The following ZSWIM6 variants were observed in gnomAD, a reference collection of about 807,000 sequenced individuals.
The protein encoded by ZSWIM6 is zinc finger SWIM-type containing 6.
A neutral mutation model predicts 113.2 loss-of-function variants in ZSWIM6; 9 were observed. The observed-to-expected ratio is 0.08, with a 90% CI of 0.05 to 0.14. ZSWIM6 has a LOEUF of 0.14. Ranked by LOEUF, ZSWIM6 falls within the 10% of genes least tolerant of loss-of-function variation. The pLI is 1.00. For missense variants in ZSWIM6, 1,162 were observed against 1,552.2 expected, an observed-to-expected ratio of 0.75 and a Z score of 4.22; for synonymous variants, 611 against 606.5, an observed-to-expected ratio of 1.01 and a Z score of -0.11.
At chr5:61,431,137 C>T (rs1342670859) in intron 1 of ZSWIM6, among the ~76,000 whole-genome samples, 9 of 151,724 alleles carry the variant, frequency 5.9e-5, no homozygotes. Flanking sequence ...TTTGGGAGGC[C>T]GAGGTGGGTG....
In ZSWIM6 at chr5:61,350,511, A is replaced by G. The variant is rs146064793; in HGVS notation, c.676+17563A>G. ...CTATTCAGACGAAAAGGAAGCAGTT[A>G]AGAGATTCTCAGTCTCCATGGGTTT... On this transcript the variant is annotated intron_variant, in intron 1 of 13. Transcript: ENST00000252744. Among the ~76,000 whole-genome samples, 557 of 152,266 alleles carry G rather than the reference A, an allele frequency of 3.7e-3. 8 individuals carry two copies. Among genetic ancestry groups the G allele is most frequent in the East Asian group, 0.019 (100 of 5,172 alleles).
intron 1 of ZSWIM6, among the ~76,000 whole-genome samples, chr5:61,436,521 C>T (rs1352733074): frequency 6.6e-6 from 1 of 152,152 alleles, no homozygotes; most frequent in Non-Finnish European, 1.5e-5. Context: ...CTATTCACTA[C>T]CAGCTTTTCT....
chr5:61,355,894 A>G (rs967938755), intron 1 of ZSWIM6, among the ~76,000 whole-genome samples: 4 of 152,368 alleles, frequency 2.6e-5, no homozygotes, highest in Admixed American at 6.5e-5. Context: ...TGTGACTACT[A>G]GGAAATTTAA....
rs1579934182 is a variant in ZSWIM6, at chr5:61,332,819, G to C, written c.547G>C (p.Ala183Pro). The C allele has an allele frequency of 2.1e-6, 2 of 957,966 alleles. No homozygotes were observed. Among genetic ancestry groups the C allele is most frequent in the Admixed American group, 6.4e-5 (1 of 15,532 alleles). The allele number at this position is 957,966 out of a possible 1,614,324, so 59.3% of individuals were successfully genotyped here. ...AAAAAAAAAA[A>P]AGAGAPSVGA... is the part of the protein sequence containing the mutation. ...CGCCGCCGCCGCCGCCGCCGCCGCC[G>C]CCGCGGGGGCCGGGGCCCCGTCGGT... Residue 183 changes from alanine (A) to proline (P), a missense_variant, in exon 1 of 14, where the codon GCC (alanine) becomes CCC (proline). Physicochemically the swap from Ala to Pro is conservative, Grantham distance 27 (BLOSUM62 -1). Coordinates refer to ENST00000252744, the MANE Select transcript of ZSWIM6 (RefSeq NM_020928.2).
chr5:61,450,635 C>T (rs1436036510), intron 1 of ZSWIM6, among the ~76,000 whole-genome samples: 1 of 151,986 alleles, frequency 6.6e-6, no homozygotes, highest in East Asian at 1.9e-4. Context: ...GATTATACTT[C>T]ACTGTACTAT....
In ZSWIM6 at chr5:61,332,618, C is replaced by T; in HGVS notation, c.346C>T (p.Arg116Cys). The T allele has an allele frequency of 1.6e-6, 2 of 1,262,524 alleles. No homozygotes were observed. Among genetic ancestry groups the T allele is most frequent in the South Asian group, 1.4e-5 (1 of 69,854 alleles). 78.2% of individuals were successfully genotyped at this position (1,262,524 alleles called of 1,614,324 possible). A position where few individuals can be genotyped will look rare whatever the true frequency, so the allele number is the denominator to read the frequency against. The part of the protein sequence containing the change: ...QRRIVYWSFP[R>C]SEREICMYSS... The stretch of plus-strand genomic sequence containing the variant: ...CCGCATAGTCTATTGGTCCTTCCCC[C>T]GCAGCGAGCGGGAGATCTGCATGTA... Residue 116 changes from arginine to cysteine, a missense_variant, in exon 1 of 14, where the codon CGC (arginine) becomes TGC (cysteine). Arg to Cys is a radical substitution (Grantham distance 180). Coordinates refer to ENST00000252744, the MANE Select transcript of ZSWIM6 (RefSeq NM_020928.2).
chr5:61,430,955 T>A (rs1746568438), intron 1 of ZSWIM6, among the ~76,000 whole-genome samples: 1 of 152,224 alleles, frequency 6.6e-6, no homozygotes, highest in Admixed American at 6.5e-5. Context: ...AAAACTGTTG[T>A]ATTTGAATCC....
intron 1 of ZSWIM6, chr5:61,391,984 A>G (rs1157586836): frequency 1.4e-5 from 6 of 426,044 alleles, no homozygotes; most frequent in South Asian, 1.4e-4. Context: ...CATTTTGTGT[A>G]TATTTTCCTT....
At chr5:61,333,792 G>A (rs1313131096) in intron 1 of ZSWIM6, among the ~76,000 whole-genome samples, 1 of 152,106 alleles carries the variant, frequency 6.6e-6, no homozygotes, top group Admixed American at 6.5e-5. Flanking sequence ...TGCGGGCCGC[G>A]GCGCAGCCCT....
At chr5:61,357,920 C>A (rs1018565087) in intron 1 of ZSWIM6, among the ~76,000 whole-genome samples, 2 of 152,078 alleles carry the variant, frequency 1.3e-5, no homozygotes, top group Non-Finnish European at 2.9e-5. Flanking sequence ...CCTACTCTTC[C>A]TAGTTGATGA....
intron 9 of ZSWIM6, 51 bp from the exon 10 acceptor site, chr5:61,535,433 G>A: frequency 6.5e-7 from 1 of 1,542,196 alleles, no homozygotes; most frequent in Non-Finnish European, 8.8e-7. Context: ...TTTACAAGAA[G>A]TGTTAGTTCA....
At chr5:61,375,093 G>T in intron 1 of ZSWIM6, 4 of 1,603,832 alleles carry the variant, frequency 2.5e-6, no homozygotes, top group South Asian at 1.1e-5. Flanking sequence ...GTGTGCTACT[G>T]TGCGCGCGAT....
intron 1 of ZSWIM6, among the ~76,000 whole-genome samples, chr5:61,403,551 A>T (rs1579978179): frequency 6.6e-6 from 1 of 152,218 alleles, no homozygotes; most frequent in Non-Finnish European, 1.5e-5. Context: ...TATTTCTCGC[A>T]TGGGTGCCTC....
intron 4 of ZSWIM6, among the ~76,000 whole-genome samples, chr5:61,513,531 A>G (rs766362306): frequency 2.0e-5 from 3 of 152,054 alleles, no homozygotes; most frequent in Non-Finnish European, 4.4e-5. Context: ...TTGATTTTGT[A>G]TGTAACATTA....
At chr5:61,431,857 A>G (rs1746590692) in intron 1 of ZSWIM6, among the ~76,000 whole-genome samples, 1 of 152,250 alleles carries the variant, frequency 6.6e-6, no homozygotes, top group South Asian at 2.1e-4. Context: ...ACATGGGTAT[A>G]AAGTCAATGC....
chr5:61,397,568 G>C (rs1745862954), intron 1 of ZSWIM6, among the ~76,000 whole-genome samples: 1 of 151,960 alleles, frequency 6.6e-6, no homozygotes, highest in Non-Finnish European at 1.5e-5. Flanking sequence ...TTTTTAAGAG[G>C]CAGTTTACTT....
chr5:61,337,063 C>T (rs914713724), intron 1 of ZSWIM6, among the ~76,000 whole-genome samples: 42 of 151,984 alleles, frequency 2.8e-4, no homozygotes, highest in African/African-American at 9.9e-4. Flanking sequence ...GGTGGATCAC[C>T]TGAGGTCAGG....
At chr5:61,422,687 T>C (rs1409066471) in intron 1 of ZSWIM6, among the ~76,000 whole-genome samples, 1 of 152,210 alleles carries the variant, frequency 6.6e-6, no homozygotes, top group Admixed American at 6.5e-5. Context: ...TTGATTCTTC[T>C]AATCCATGAA....
At chr5:61,342,848 AC>A (rs76130502) in intron 1 of ZSWIM6, among the ~76,000 whole-genome samples, 6,272 of 152,200 alleles carry the variant, frequency 0.041, 235 homozygotes, top group South Asian at 0.18. Context: ...TTACATTGTT[AC>A]GCAAATAATC....
Sources: gnomAD v4.1 joint callset for allele counts (sites outside exome capture counted in the v4.1 genomes callset) on GRCh38, gnomAD v4.1.1 for gene constraint, MANE v1.5 for transcripts, NCBI Gene and HGNC (gene_info 2026-07-23, HGNC 2026-07-21) for gene names.